The following ZNF423 variants were observed in gnomAD, a reference collection of about 807,000 sequenced individuals.
ZNF423 encodes zinc finger protein 423.
In ZNF423, 12 loss-of-function variants were observed where a neutral mutation model predicts 95.8. The ratio of observed to expected loss-of-function variants is 0.13; its 90% CI spans 0.08 to 0.20. The LOEUF is 0.20. Among genes scored for constraint, ZNF423 ranks in the 10% least tolerant of loss-of-function variants. The pLI, the probability that ZNF423 is intolerant of heterozygous loss-of-function variation, is 1.00. For synonymous variants in ZNF423, 749 were observed against 711.9 expected (o/e 1.05, Z -0.83); for missense variants, 1,316 against 1,737.1 (o/e 0.76, Z 4.31).
chr16:49,678,052 G>A (rs2031193609), intron 3 of ZNF423, among the ~76,000 whole-genome samples: 1 of 152,000 alleles, frequency 6.6e-6, no homozygotes, highest in Non-Finnish European at 1.5e-5. Context: ...GCGTGGTGAT[G>A]GGCGCCTGTA....
chr16:49,623,591 G>A (rs1031961374), intron 5 of ZNF423, among the ~76,000 whole-genome samples: 11 of 152,242 alleles, frequency 7.2e-5, no homozygotes, highest in East Asian at 1.9e-4. Context: ...CTGACACTCC[G>A]TGAAAGGACT....
intron 3 of ZNF423, among the ~76,000 whole-genome samples, chr16:49,663,254 C>T (rs535445483): frequency 1.3e-5 from 2 of 152,290 alleles, no homozygotes; most frequent in South Asian, 2.1e-4. Context: ...GCTTCTGAAA[C>T]GCTGTGTAAT....
intron 2 of ZNF423, among the ~76,000 whole-genome samples, chr16:49,753,865 T>A (rs1231551896): frequency 6.6e-6 from 1 of 152,112 alleles, no homozygotes; most frequent in Non-Finnish European, 1.5e-5. Context: ...ACCCCGTCTC[T>A]ACTAAAAGTA....
At chr16:49,503,276 A>T (rs974743352) in intron 7 of ZNF423, among the ~76,000 whole-genome samples, 2 of 152,164 alleles carry the variant, frequency 1.3e-5, no homozygotes, top group Non-Finnish European at 2.9e-5. Flanking sequence ...AAAGCTGAGA[A>T]AACAACGTGA....
chr16:49,823,643 T>TG (rs1397369511), intron 1 of ZNF423, among the ~76,000 whole-genome samples: 5 of 152,004 alleles, frequency 3.3e-5, no homozygotes, highest in Admixed American at 2.0e-4. Flanking sequence ...TATAACTTGT[T>TG]GGGGGAAAAA....
rs539808004 is a variant in ZNF423, at chr16:49,762,718, G to A, written c.100+26769C>T. ...ACTCCAGACTCTCCCACTACCTTCC[G>A]CTCTCGGGAACGGCCTAGGTGGGCC... On this transcript the variant is annotated intron_variant, in intron 2 of 7. Transcript: ENST00000563137. Among the ~76,000 whole-genome samples, 36 of 152,232 alleles carry A rather than the reference G, an allele frequency of 2.4e-4. No individual in the cohort carries two copies. In the South Asian group the frequency reaches 6.4e-3, roughly 27 times the overall value.
chr16:49,828,859 C>A (rs1053499477), intron 1 of ZNF423, among the ~76,000 whole-genome samples: 2 of 152,184 alleles, frequency 1.3e-5, no homozygotes, highest in East Asian at 3.9e-4. Flanking sequence ...GAGAATGAAC[C>A]GTATTTTTGG....
At chr16:49,815,881 A>AAATATATATATAT (rs1185501557) in intron 1 of ZNF423, among the ~76,000 whole-genome samples, 2 of 47,600 alleles carry the variant, frequency 4.2e-5, no homozygotes, top group African/African-American at 9.9e-5. Context: ...AAAAAAAAAA[A>AAATATATATATAT]ATATATATAT....
intron 7 of ZNF423, among the ~76,000 whole-genome samples, chr16:49,505,740 T>C (rs1967608366): frequency 6.6e-6 from 1 of 152,214 alleles, no homozygotes; most frequent in South Asian, 2.1e-4. Flanking sequence ...CAAAGGGTGA[T>C]CCCGTCACCC....
At chr16:49,565,223 G>A (rs1055232659) in intron 5 of ZNF423, among the ~76,000 whole-genome samples, 14 of 152,134 alleles carry the variant, frequency 9.2e-5, no homozygotes, top group Admixed American at 2.0e-4. Flanking sequence ...CCCACACTTC[G>A]GCAGAAATGC....
intron 7 of ZNF423, among the ~76,000 whole-genome samples, chr16:49,513,572 T>C (rs764182948): frequency 1.3e-5 from 2 of 152,130 alleles, no homozygotes; most frequent in African/African-American, 2.4e-5. Flanking sequence ...TTTTCCTCCT[T>C]TCCTGCTTGT....
chr16:49,537,476 G>A (rs1395251152), intron 5 of ZNF423, among the ~76,000 whole-genome samples: 2 of 152,182 alleles, frequency 1.3e-5, no homozygotes, highest in Non-Finnish European at 2.9e-5. Context: ...AGCTAAATTG[G>A]AAATTCAAAC....
In ZNF423 at chr16:49,730,922, C is replaced by T. The variant is rs2143390837; in HGVS notation, c.150G>A (p.Leu50=). Residue 50 remains leucine (L), a synonymous_variant, in exon 3 of 8, where the codon CTG becomes CTA. Transcript: ENST00000563137. Reference sequence around the variant, plus strand: ...GACTTGTCACGCTGTTCCTGTCTTCCAGCGCACGGCTGGTTTTCTGATCGC... The same window carrying T: ...GACTTGTCACGCTGTTCCTGTCTTCTAGCGCACGGCTGGTTTTCTGATCGC... ...PECDQKTSRA[L]EDRNSVTSQE... 6.2e-7 allele frequency: 1 copy of T among 1,614,204 alleles called. No individual in the cohort carries two copies. The highest frequency in any genetic ancestry group is 1.3e-5 in the African/African-American group (1 of 75,046).
intron 1 of ZNF423, among the ~76,000 whole-genome samples, chr16:49,790,670 G>A (rs1266136289): frequency 6.6e-6 from 1 of 152,256 alleles, no homozygotes; most frequent in Non-Finnish European, 1.5e-5. Flanking sequence ...CTGGCTTGTG[G>A]TCAGAACCTG....
At chr16:49,822,162 C>A (rs74394324) in intron 1 of ZNF423, among the ~76,000 whole-genome samples, 39 of 145,962 alleles carry the variant, frequency 2.7e-4, no homozygotes, top group South Asian at 8.8e-4. Context: ...GCCTAAGTCA[C>A]CCCCGCAGGA....
intron 5 of ZNF423, among the ~76,000 whole-genome samples, chr16:49,578,469 G>A (rs1970565510): frequency 6.6e-6 from 1 of 152,222 alleles, no homozygotes; most frequent in East Asian, 1.9e-4. Flanking sequence ...ACTCATCCCT[G>A]TCTGAAATTG....
At chr16:49,623,376 C>T (rs534903446) in intron 5 of ZNF423, among the ~76,000 whole-genome samples, 1 of 152,354 alleles carries the variant, frequency 6.6e-6, no homozygotes, top group African/African-American at 2.4e-5. Context: ...TTAAGAGCAA[C>T]CCCCTTGCCT....
At chr16:49,491,541 GCT>G (rs1491127776) in intron 7 of ZNF423, among the ~76,000 whole-genome samples, 1 of 115,300 alleles carries the variant, frequency 8.7e-6, no homozygotes, top group Non-Finnish European at 1.8e-5. Context: ...TTGTTTTTTG[GCT>G]TTTTTTTTTT....
upstream of ZNF423, among the ~76,000 whole-genome samples, chr16:49,856,549 T>C (rs1451005997): frequency 1.3e-5 from 2 of 149,944 alleles, no homozygotes; most frequent in Non-Finnish European, 3.0e-5. Context: ...GGGGCGGGGG[T>C]CCCTCAACTC....
Sources: gnomAD v4.1 joint callset for allele counts (sites outside exome capture counted in the v4.1 genomes callset) on GRCh38, gnomAD v4.1.1 for gene constraint, MANE v1.5 for transcripts, NCBI Gene and HGNC (gene_info 2026-07-23, HGNC 2026-07-21) for gene names.